The following KLRF1 variants were observed in gnomAD, a reference collection of about 807,000 sequenced individuals.
KLRF1 encodes the protein killer cell lectin like receptor F1.
A neutral mutation model predicts 30.7 loss-of-function variants in KLRF1; 27 were observed. The ratio of observed to expected loss-of-function variants is 0.88; its 90% confidence interval spans 0.65 to 1.21. The LOEUF is 1.21. Among genes scored for constraint, KLRF1 ranks in the 50% most tolerant of loss-of-function variants. The pLI is 0.00. For missense variants in KLRF1, 246 were observed against 259.3 expected, an observed-to-expected ratio of 0.95 and a Z score of 0.35; for synonymous variants, 92 against 89.3, an observed-to-expected ratio of 1.03 and a Z score of -0.17.
chr12:9,817,680 C>A, the KLRF1 span: 1 of 250,274 alleles, frequency 4.0e-6, no homozygotes, highest in African/African-American at 2.3e-5. Context: ...CTTCCTCTTC[C>A]TCAGTGGCTC....
the KLRF1 span, chr12:9,817,655 AT>A: frequency 1.1e-5 from 3 of 267,126 alleles, no homozygotes; most frequent in Non-Finnish European, 1.5e-5. Context: ...TTACAGATAC[AT>A]TTTTGGTCTT....
At position 9,833,404 on chromosome 12, in the gene KLRF1, A is replaced by T. The variant is rs1322353679; in HGVS notation, c.286A>T (p.Asn96Tyr). 6.2e-7 allele frequency: 1 copy of T among 1,612,266 alleles called. No individual in the cohort carries two copies. Among genetic ancestry groups the T allele is most frequent in the Non-Finnish European group, 8.5e-7 (1 of 1,179,104 alleles). Residue 96 changes from asparagine to tyrosine, a missense_variant, in exon 3 of 6, where the codon AAT becomes TAT. By Grantham distance (143) the Asn-to-Tyr change is moderately radical (BLOSUM62 -2). Coordinates refer to ENST00000617889, the MANE Select transcript of KLRF1 (RefSeq NM_016523.3). ...DLKVNNGTRR[N>Y]ISNKDLCASR... ...AAAAGTGAATAATGGCACAAGAAGA[A>T]ATATAAGTAATAAGGACCTTTGTGC... is the stretch of plus-strand genomic sequence containing the variant.
At chr12:9,814,818 T>A in the KLRF1 span, among the ~76,000 whole-genome samples, 3 of 127,118 alleles carry the variant, frequency 2.4e-5, no homozygotes, top group East Asian at 7.1e-4. Context: ...AGGTAAAGAG[T>A]AGAATGATAG....
the KLRF1 span, among the ~76,000 whole-genome samples, chr12:9,806,739 T>C: frequency 6.6e-6 from 1 of 152,064 alleles, no homozygotes; most frequent in African/African-American, 2.4e-5. Context: ...TGGAGTACAG[T>C]GGTGTAATCA....
upstream of KLRF1, among the ~76,000 whole-genome samples, chr12:9,824,347 T>C (rs1310395488): frequency 6.6e-6 from 1 of 152,164 alleles, no homozygotes; most frequent in Non-Finnish European, 1.5e-5. Flanking sequence ...ACTCATTTCA[T>C]AAACAGAACT....
upstream of KLRF1, among the ~76,000 whole-genome samples, chr12:9,825,525 T>C (rs1867270153): frequency 6.6e-6 from 1 of 152,064 alleles, no homozygotes; most frequent in Non-Finnish European, 1.5e-5. Flanking sequence ...ATGGATAAAA[T>C]ACTTATGTCT....
intron 3 of KLRF1, among the ~76,000 whole-genome samples, chr12:9,833,901 C>CATT (rs1800863884): frequency 1.2e-5 from 1 of 82,408 alleles, no homozygotes; most frequent in African/African-American, 5.5e-5. Context: ...AAATGTTTAA[C>CATT]TTTTTTTTTT....
chr12:9,828,187 C>T (rs986188856), intron 1 of KLRF1, among the ~76,000 whole-genome samples: 2 of 151,762 alleles, frequency 1.3e-5, no homozygotes, highest in South Asian at 2.1e-4. Flanking sequence ...TCAAGCAATT[C>T]TCCTGCCTCA....
At chr12:9,811,364 A>G in the KLRF1 span, among the ~76,000 whole-genome samples, 2 of 148,132 alleles carry the variant, frequency 1.4e-5, no homozygotes, top group East Asian at 2.0e-4. Flanking sequence ...GTGTCAGCAT[A>G]CAGATTAAAA....
chr12:9,842,147 T>TTGTG (rs55711994), intron 4 of KLRF1, among the ~76,000 whole-genome samples, 174 bp from the exon 5 acceptor site: 2 of 150,890 alleles, frequency 1.3e-5, no homozygotes, highest in Admixed American at 6.6e-5. Context: ...CAACTTGCAA[T>TTGTG]TGTGTGTGTG....
intron 4 of KLRF1, 95 bp from the exon 5 acceptor site, chr12:9,842,226 T>A: frequency 1.5e-6 from 2 of 1,319,590 alleles, no homozygotes; most frequent in South Asian, 2.7e-5. Flanking sequence ...TAAGAATCCC[T>A]ATGCAGAGTG....
the KLRF1 span, among the ~76,000 whole-genome samples, chr12:9,818,267 A>T: frequency 6.6e-6 from 1 of 152,134 alleles, no homozygotes; most frequent in East Asian, 1.9e-4. Context: ...GGATGTATCA[A>T]TTCTCCTCTG....
chr12:9,822,320 A>G, the KLRF1 span, among the ~76,000 whole-genome samples: 2 of 152,222 alleles, frequency 1.3e-5, no homozygotes, highest in Non-Finnish European at 2.9e-5. Flanking sequence ...ATAGAAAAGA[A>G]CCTAACTGAT....
At chr12:9,811,218 T>G in the KLRF1 span, among the ~76,000 whole-genome samples, 3 of 133,410 alleles carry the variant, frequency 2.2e-5, no homozygotes, top group Admixed American at 8.6e-5. Flanking sequence ...AGGGGTGAGG[T>G]ACAGTGATTT....
At chr12:9,809,118 C>T in the KLRF1 span, among the ~76,000 whole-genome samples, 1 of 151,910 alleles carries the variant, frequency 6.6e-6, no homozygotes, top group Non-Finnish European at 1.5e-5. Flanking sequence ...GAGAGTTTAG[C>T]GAGATGAATT....
the KLRF1 span, among the ~76,000 whole-genome samples, chr12:9,811,450 C>A: frequency 2.6e-5 from 4 of 151,724 alleles, no homozygotes; most frequent in South Asian, 8.3e-4. Context: ...TTCTGGGGAT[C>A]AGGGTTGGGG....
At chr12:9,808,475 T>A in the KLRF1 span, among the ~76,000 whole-genome samples, 1 of 152,148 alleles carries the variant, frequency 6.6e-6, no homozygotes, top group African/African-American at 2.4e-5. Flanking sequence ...CATCTATATA[T>A]CCTAATATGT....
chr12:9,841,564 T>C (rs1867703532), intron 3 of KLRF1, among the ~76,000 whole-genome samples: 2 of 152,132 alleles, frequency 1.3e-5, no homozygotes, highest in African/African-American at 4.8e-5. Context: ...TTTTAGTCAA[T>C]ATAATAGATC....
At chr12:9,833,280 C>A (rs1456471947) in intron 2 of KLRF1, 23 bp from the exon 3 acceptor site, 1 of 1,548,508 alleles carries the variant, frequency 6.5e-7, no homozygotes, top group East Asian at 2.4e-5. Context: ...TTTACCTAAC[C>A]TTAAAATAGT....
Sources: allele counts gnomAD v4.1 joint callset (sites outside exome capture counted in the v4.1 genomes callset), GRCh38; gene constraint gnomAD v4.1.1; transcripts MANE v1.5; gene names NCBI Gene and HGNC (gene_info 2026-07-23, HGNC 2026-07-21).